UMAD1: variants seen among roughly 807,000 people sequenced by gnomAD.
The protein encoded by UMAD1 is UBAP1-MVB12-associated (UMA) domain containing 1.
UMAD1 carries 8 observed loss-of-function variants against 6.1 expected under a neutral mutation model. The observed-to-expected ratio is 1.30, with a 90% CI of 0.76 to 2.35. UMAD1 has a LOEUF of 2.35. UMAD1 is among the 30% of genes most tolerant of loss of function. The pLI, the probability that UMAD1 is intolerant of heterozygous loss-of-function variation, is 0.00. For missense variants in UMAD1, 130 were observed against 78.4 expected (o/e 1.66, Z -2.49); for synonymous variants, 56 against 31.4 (o/e 1.78, Z -2.61).
intron 3 of UMAD1, among the ~76,000 whole-genome samples, chr7:7,843,950 A>G (rs933351366): frequency 2.0e-5 from 3 of 152,096 alleles, no homozygotes; most frequent in East Asian, 1.9e-4. Flanking sequence ...TAAAATTGAC[A>G]TTTGCTTGCA....
chr7:7,701,398 G>A (rs1331837227), intron 2 of UMAD1, among the ~76,000 whole-genome samples: 1 of 152,086 alleles, frequency 6.6e-6, no homozygotes, highest in East Asian at 1.9e-4. Flanking sequence ...CAATCTATGT[G>A]ACATTTTATA....
chr7:7,679,909 G>T (rs1181877352), intron 2 of UMAD1, among the ~76,000 whole-genome samples: 3 of 151,662 alleles, frequency 2.0e-5, no homozygotes, highest in Admixed American at 6.6e-5. Context: ...CTGTTGAGTT[G>T]TTTGAGTTCC....
chr7:7,790,031 A>G (rs1365119983), intron 2 of UMAD1, among the ~76,000 whole-genome samples: 1 of 152,178 alleles, frequency 6.6e-6, no homozygotes, highest in African/African-American at 2.4e-5. Flanking sequence ...TGTGGGCGGA[A>G]TTGATGAAGG....
intron 3 of UMAD1, among the ~76,000 whole-genome samples, chr7:7,862,397 G>T (rs1320017370): frequency 6.6e-6 from 1 of 152,054 alleles, no homozygotes; most frequent in Non-Finnish European, 1.5e-5. Flanking sequence ...ATTTCTCATT[G>T]TTTTCCTTTT....
At chr7:7,691,843 C>T (rs1286194776) in intron 2 of UMAD1, among the ~76,000 whole-genome samples, 1 of 152,158 alleles carries the variant, frequency 6.6e-6, no homozygotes, top group Admixed American at 6.5e-5. Context: ...AGCTGCCAAA[C>T]AAAAGTCATG....
intron 3 of UMAD1, among the ~76,000 whole-genome samples, chr7:7,828,649 G>A (rs899027250): frequency 7.9e-5 from 12 of 152,116 alleles, no homozygotes; most frequent in African/African-American, 2.2e-4. Context: ...AAAAAGAAAG[G>A]GGATAGCTCT....
intron 2 of UMAD1, among the ~76,000 whole-genome samples, chr7:7,747,485 T>C (rs138982613): frequency 6.6e-6 from 1 of 152,162 alleles, no homozygotes; most frequent in African/African-American, 2.4e-5. Flanking sequence ...GGTCACAGAG[T>C]AGTAGAGGAT....
chr7:7,664,095 A>G (rs138387973), intron 1 of UMAD1, among the ~76,000 whole-genome samples: 9 of 152,326 alleles, frequency 5.9e-5, no homozygotes, highest in African/African-American at 1.9e-4. Context: ...ATTTCTTGCT[A>G]TTATTTAAAA....
rs538490043 is a variant in UMAD1, at chr7:7,705,023, G to A, written c.82+31570G>A. Among the ~76,000 whole-genome samples, 91 of 152,274 alleles carry A rather than the reference G, an allele frequency of 6.0e-4. No individual in the cohort carries two copies. The South Asian group carries it at 0.018, about 31-fold the overall frequency. ...AAGGGCGCTGATTGTGAACCATGGT[G>A]CTTCTTGGCATCTGTAACACAGGAC... On this transcript the variant is annotated intron_variant, in intron 2 of 3. Coordinates refer to ENST00000682710, the MANE Select transcript of UMAD1 (RefSeq NM_001302348.2).
intron 3 of UMAD1, among the ~76,000 whole-genome samples, chr7:7,872,514 A>G (rs1425445872): frequency 6.6e-6 from 1 of 152,236 alleles, no homozygotes; most frequent in Non-Finnish European, 1.5e-5. Flanking sequence ...AAGATCACTG[A>G]TCATGCCTCA....
At chr7:7,777,929 C>A (rs1025934254) in intron 2 of UMAD1, among the ~76,000 whole-genome samples, 1 of 152,126 alleles carries the variant, frequency 6.6e-6, no homozygotes, top group East Asian at 1.9e-4. Context: ...TGTTAGGCTT[C>A]CTTGCCTGCT....
chr7:7,874,035 A>G (rs747456914), intron 3 of UMAD1, among the ~76,000 whole-genome samples: 19 of 151,598 alleles, frequency 1.3e-4, no homozygotes, highest in Non-Finnish European at 2.7e-4. Context: ...CCAAAACCCA[A>G]CTCTTGATCT....
In UMAD1 at chr7:7,642,308, TTTTTTTTTTGTTGTTTG is replaced by T. The variant is rs1784992917; in HGVS notation, c.-64+1500_-64+1516del. Among the ~76,000 whole-genome samples, 4 of 76,434 alleles carry T rather than the reference TTTTTTTTTTGTTGTTTG, an allele frequency of 5.2e-5. No homozygotes were observed. In the South Asian group the frequency reaches 3.3e-3, roughly 63 times the overall value. The allele number at this position is 76,434 out of a possible 152,430, so 50.1% of individuals were successfully genotyped here. On this transcript the variant is annotated intron_variant, in intron 1 of 3. Transcript: ENST00000682710. ...TACCACCACACCCAGCTAATAAAGA[TTTTTTTTTTGTTGTTTG>T]TTTTTTTTTGTTCAGATGGGGCCTC... is the stretch of plus-strand genomic sequence containing the variant.
chr7:7,770,196 C>T (rs1475208412), intron 2 of UMAD1, among the ~76,000 whole-genome samples: 1 of 152,096 alleles, frequency 6.6e-6, no homozygotes, highest in Non-Finnish European at 1.5e-5. Context: ...CATACTCCCT[C>T]GGCTTGCCTC....
At chr7:7,669,904 T>G (rs941887149) in intron 1 of UMAD1, among the ~76,000 whole-genome samples, 1 of 152,196 alleles carries the variant, frequency 6.6e-6, no homozygotes, top group African/African-American at 2.4e-5. Flanking sequence ...TTTCTTGACT[T>G]TTGGAGCCTA....
rs116836114 is a variant in UMAD1 at position 7,806,546 on chromosome 7, A to G, written c.156+4803A>G. Among the ~76,000 whole-genome samples, 313 of 152,344 alleles carry G rather than the reference A, an allele frequency of 2.1e-3. 1 individual carries two copies. The highest frequency in any genetic ancestry group is 7.1e-3 in the African/African-American group (297 of 41,574). On this transcript the variant is annotated intron_variant, in intron 3 of 3. Coordinates refer to ENST00000682710, the MANE Select transcript of UMAD1 (RefSeq NM_001302348.2). ...ATGATTTCTGGGTAGATAAATGAAA[A>G]ATAAATAATCCACTTATCTTTATTA...
chr7:7,877,043 G>C (rs1784431688), intron 3 of UMAD1, among the ~76,000 whole-genome samples: 1 of 152,222 alleles, frequency 6.6e-6, no homozygotes, highest in Non-Finnish European at 1.5e-5. Context: ...AAGAAGGCCA[G>C]TTTGTGTTTA....
At chr7:7,659,118 G>A (rs1265737084) in intron 1 of UMAD1, among the ~76,000 whole-genome samples, 2 of 152,110 alleles carry the variant, frequency 1.3e-5, no homozygotes, top group African/African-American at 2.4e-5. Flanking sequence ...TTCTCTGATG[G>A]TAGTTTGTAT....
chr7:7,668,286 G>A (rs1047794700), intron 1 of UMAD1, among the ~76,000 whole-genome samples: 1 of 152,102 alleles, frequency 6.6e-6, no homozygotes, highest in African/African-American at 2.4e-5. Context: ...GATTATAGGA[G>A]ATAGAGCATA....
Sources: allele counts gnomAD v4.1 joint callset (sites outside exome capture counted in the v4.1 genomes callset), GRCh38; gene constraint gnomAD v4.1.1; transcripts MANE v1.5; gene names NCBI Gene and HGNC (gene_info 2026-07-23, HGNC 2026-07-21).